Variants in NEMP2 observed in about 807,000 individuals in gnomAD.
NEMP2 encodes UPF0571 transmembrane protein.
Under a neutral mutation model 54.2 loss-of-function variants are expected in NEMP2, and 53 were observed. The ratio of observed to expected loss-of-function variants is 0.98; its 90% CI spans 0.78 to 1.23. The LOEUF is 1.23. NEMP2 is among the 50% of genes most tolerant of loss of function. The pLI, the probability that NEMP2 is intolerant of heterozygous loss-of-function variation, is 0.00. For synonymous variants in NEMP2, 197 were observed against 190.3 expected (o/e 1.04, Z -0.29); for missense variants, 455 against 511.3 (o/e 0.89, Z 1.06).
the NEMP2 span, among the ~76,000 whole-genome samples, chr2:190,606,688 C>T: frequency 3.9e-5 from 6 of 151,988 alleles, no homozygotes; most frequent in East Asian, 1.9e-4. Flanking sequence ...TCCAGCCTGG[C>T]GACACAGTGA....
At chr2:190,479,221 TC>T in the NEMP2 span, among the ~76,000 whole-genome samples, 2 of 152,224 alleles carry the variant, frequency 1.3e-5, no homozygotes, top group Non-Finnish European at 2.9e-5. Context: ...GTTATTTCTT[TC>T]CCATGATCTT....
the NEMP2 span, among the ~76,000 whole-genome samples, chr2:190,595,793 T>A: frequency 6.6e-6 from 1 of 152,216 alleles, no homozygotes; most frequent in Non-Finnish European, 1.5e-5. The surrounding 1 kb of genome is among the most constrained non-coding windows in gnomAD (Gnocchi z 4.0). Flanking sequence ...GCTTTTACAC[T>A]GTTGATGGAA....
the NEMP2 span, among the ~76,000 whole-genome samples, chr2:190,559,658 G>T: frequency 1.3e-5 from 2 of 152,226 alleles, no homozygotes; most frequent in African/African-American, 4.8e-5. The surrounding 1 kb of genome is among the most constrained non-coding windows in gnomAD (Gnocchi z 4.0). Flanking sequence ...GGTAAGACAA[G>T]GTCTAGCAAT....
At chr2:190,491,564 T>A in the NEMP2 span, among the ~76,000 whole-genome samples, 2 of 152,042 alleles carry the variant, frequency 1.3e-5, no homozygotes, top group African/African-American at 4.8e-5. The surrounding 1 kb of genome is among the most constrained non-coding windows in gnomAD (Gnocchi z 4.2). Context: ...GAAATGACAA[T>A]CACTACAGCC....
At chr2:190,488,224 A>G in the NEMP2 span, among the ~76,000 whole-genome samples, 1 of 152,168 alleles carries the variant, frequency 6.6e-6, no homozygotes. The surrounding 1 kb of genome is among the most constrained non-coding windows in gnomAD (Gnocchi z 6.4). Context: ...TAAATCAAAG[A>G]CTCAGATACT....
the NEMP2 span, among the ~76,000 whole-genome samples, chr2:190,454,792 G>A: frequency 6.6e-6 from 1 of 152,094 alleles, no homozygotes; most frequent in Non-Finnish European, 1.5e-5. This position sits in a 1 kb window ranked among gnomAD's most constrained non-coding sequence, Gnocchi z 4.6. Context: ...AGGTATAGAG[G>A]GATGGGATCC....
chr2:190,472,125 C>T, the NEMP2 span, among the ~76,000 whole-genome samples: 1 of 152,130 alleles, frequency 6.6e-6, no homozygotes, highest in Admixed American at 6.5e-5. Flanking sequence ...GTAGTTAAAA[C>T]CACAAAGATG....
the NEMP2 span, among the ~76,000 whole-genome samples, chr2:190,471,898 G>C: frequency 6.6e-6 from 1 of 152,208 alleles, no homozygotes; most frequent in African/African-American, 2.4e-5. The surrounding 1 kb of genome is among the most constrained non-coding windows in gnomAD (Gnocchi z 4.7). Flanking sequence ...AAAACTTCCA[G>C]AGGAACGATC....
At chr2:190,586,788 A>G in the NEMP2 span, among the ~76,000 whole-genome samples, 130 of 152,284 alleles carry the variant, frequency 8.5e-4, no homozygotes, top group African/African-American at 2.9e-3. The surrounding 1 kb of genome is among the most constrained non-coding windows in gnomAD (Gnocchi z 4.5). Flanking sequence ...ACACATAAAA[A>G]TAGAGTTAAA....
the NEMP2 span, among the ~76,000 whole-genome samples, chr2:190,635,623 AT>A: frequency 9.9e-5 from 15 of 152,244 alleles, no homozygotes; most frequent in African/African-American, 3.6e-4. This position sits in a 1 kb window ranked among gnomAD's most constrained non-coding sequence, Gnocchi z 4.1. Flanking sequence ...TTCATTGAAT[AT>A]TTCACAATTT....
the NEMP2 span, among the ~76,000 whole-genome samples, chr2:190,615,585 TA>T: frequency 6.6e-6 from 1 of 152,192 alleles, no homozygotes; most frequent in African/African-American, 2.4e-5. This position sits in a 1 kb window ranked among gnomAD's most constrained non-coding sequence, Gnocchi z 4.7. Flanking sequence ...GCATGATTGA[TA>T]AATCACTGGC....
chr2:190,433,744 T>C, the NEMP2 span, among the ~76,000 whole-genome samples: 1 of 152,226 alleles, frequency 6.6e-6, no homozygotes, highest in African/African-American at 2.4e-5. The surrounding 1 kb of genome is among the most constrained non-coding windows in gnomAD (Gnocchi z 4.5). Flanking sequence ...TAAGTTGTGT[T>C]CCATTGTCTA....
chr2:190,443,813 G>T, the NEMP2 span, among the ~76,000 whole-genome samples: 1 of 152,174 alleles, frequency 6.6e-6, no homozygotes, highest in South Asian at 2.1e-4. The surrounding 1 kb of genome is among the most constrained non-coding windows in gnomAD (Gnocchi z 4.2). Flanking sequence ...CCAGCACTTT[G>T]GGAGGCTGAG....
At chr2:190,619,111 G>A in the NEMP2 span, among the ~76,000 whole-genome samples, 5 of 152,126 alleles carry the variant, frequency 3.3e-5, no homozygotes, top group Non-Finnish European at 5.9e-5. This position sits in a 1 kb window ranked among gnomAD's most constrained non-coding sequence, Gnocchi z 5.5. Context: ...CAGATGTGGT[G>A]GCTCACACCT....
the NEMP2 span, among the ~76,000 whole-genome samples, chr2:190,459,523 T>C: frequency 6.6e-6 from 1 of 152,194 alleles, no homozygotes; most frequent in Non-Finnish European, 1.5e-5. The surrounding 1 kb of genome is among the most constrained non-coding windows in gnomAD (Gnocchi z 5.3). Context: ...CAGAAAAATA[T>C]AACAACAAAA....
chr2:190,552,941 G>C, the NEMP2 span, among the ~76,000 whole-genome samples: 1 of 151,638 alleles, frequency 6.6e-6, no homozygotes, highest in Non-Finnish European at 1.5e-5. Flanking sequence ...CTGTGTCCTA[G>C]AACCAGTTAA....
chr2:190,447,221 A>G, the NEMP2 span, among the ~76,000 whole-genome samples: 5 of 152,248 alleles, frequency 3.3e-5, no homozygotes, highest in African/African-American at 1.2e-4. The surrounding 1 kb of genome is among the most constrained non-coding windows in gnomAD (Gnocchi z 4.5). Flanking sequence ...TTTTCTAATC[A>G]GAGAACACAA....
the NEMP2 span, among the ~76,000 whole-genome samples, chr2:190,426,961 A>G: frequency 2.6e-5 from 4 of 152,206 alleles, no homozygotes; most frequent in African/African-American, 7.2e-5. The surrounding 1 kb of genome is among the most constrained non-coding windows in gnomAD (Gnocchi z 4.7). Flanking sequence ...CTCTTTGGAT[A>G]CCTGAAGGTG....
At chr2:190,450,916 G>A in the NEMP2 span, among the ~76,000 whole-genome samples, 2 of 152,156 alleles carry the variant, frequency 1.3e-5, no homozygotes, top group East Asian at 1.9e-4. Flanking sequence ...CATCTCCTGC[G>A]CATTGTGGTT....
Sources: allele counts gnomAD v4.1 joint callset (sites outside exome capture counted in the v4.1 genomes callset), GRCh38; gene constraint gnomAD v4.1.1; non-coding constraint Gnocchi (gnomAD v3.1); transcripts MANE v1.5; gene names NCBI Gene and HGNC (gene_info 2026-07-23, HGNC 2026-07-21).